The following DNAJC1 variants were observed in gnomAD, a reference collection of about 807,000 sequenced individuals.
DNAJC1 encodes the protein DnaJ heat shock protein family (Hsp40) member C1.
Under a neutral mutation model 76.6 loss-of-function variants are expected in DNAJC1, and 58 were observed. That is an observed-to-expected ratio of 0.76 (90% CI 0.61 to 0.94). The LOEUF (loss-of-function observed/expected upper bound fraction) is 0.94. DNAJC1 is among the 40% of genes least tolerant of loss of function. The pLI, the probability that DNAJC1 is intolerant of heterozygous loss-of-function variation, is 0.00. For synonymous variants in DNAJC1, 258 were observed against 267.9 expected, an observed-to-expected ratio of 0.96 and a Z score of 0.36; for missense variants, 689 against 677.3, an observed-to-expected ratio of 1.02 and a Z score of -0.19.
chr10:21,907,839 G>A (rs1836771456), intron 6 of DNAJC1, among the ~76,000 whole-genome samples: 1 of 150,220 alleles, frequency 6.7e-6, no homozygotes, highest in Non-Finnish European at 1.5e-5. Flanking sequence ...TTAGCCAGGT[G>A]TGGTGGCAGG....
chr10:21,856,273 T>C (rs1350310711), intron 8 of DNAJC1, among the ~76,000 whole-genome samples: 1 of 152,196 alleles, frequency 6.6e-6, no homozygotes, highest in African/African-American at 2.4e-5. Flanking sequence ...TATGCATCAT[T>C]AAAAATTAAA....
At chr10:21,770,248 A>G (rs1428592121) in intron 9 of DNAJC1, among the ~76,000 whole-genome samples, 1 of 152,166 alleles carries the variant, frequency 6.6e-6, no homozygotes, top group Non-Finnish European at 1.5e-5. Context: ...ATAGTTAATA[A>G]TTAATGACTG....
chr10:21,850,441 AAC>A lies in DNAJC1; in HGVS notation c.978+31839_978+31840del, dbSNP rs145242760. Among the ~76,000 whole-genome samples, 111 of 152,234 alleles carry A rather than the reference AAC, an allele frequency of 7.3e-4. 2 individuals are homozygous for A. In the East Asian group the frequency reaches 0.021, roughly 29 times the overall value. On this transcript the variant is annotated intron_variant, in intron 8 of 11. Coordinates refer to ENST00000376980, the MANE Select transcript of DNAJC1 (RefSeq NM_022365.4). ...AGGACTTGTATACAGAAAATTACAA[AAC>A]ACTGCTGAAAGAGATTAAAGGAGAC...
intron 8 of DNAJC1, among the ~76,000 whole-genome samples, chr10:21,850,740 G>T (rs773686644): frequency 6.6e-6 from 1 of 151,984 alleles, no homozygotes; most frequent in Admixed American, 6.6e-5. Flanking sequence ...AAGAACAAAG[G>T]CTGGAGAATT....
At chr10:21,862,063 C>T (rs980810967) in intron 8 of DNAJC1, among the ~76,000 whole-genome samples, 6 of 151,906 alleles carry the variant, frequency 3.9e-5, no homozygotes, top group Non-Finnish European at 8.8e-5. Flanking sequence ...GGATTACAGG[C>T]ATGCACCACC....
chr10:21,864,705 A>G (rs1327261566), intron 8 of DNAJC1, among the ~76,000 whole-genome samples: 2 of 152,134 alleles, frequency 1.3e-5, no homozygotes, highest in Non-Finnish European at 2.9e-5. Flanking sequence ...AAGATTTCCT[A>G]ATTATGACAT....
intron 1 of DNAJC1, among the ~76,000 whole-genome samples, chr10:21,932,412 A>G (rs1473792710): frequency 1.3e-5 from 2 of 152,240 alleles, no homozygotes; most frequent in Non-Finnish European, 2.9e-5. Flanking sequence ...ATGGCATGTC[A>G]GCAAAAAACA....
intron 7 of DNAJC1, among the ~76,000 whole-genome samples, chr10:21,891,341 G>C: frequency 6.6e-6 from 1 of 151,862 alleles, no homozygotes; most frequent in African/African-American, 2.4e-5. Flanking sequence ...GGAAATGTCA[G>C]AATTGATGTG....
intron 1 of DNAJC1, among the ~76,000 whole-genome samples, chr10:21,990,318 T>C (rs1330473269): frequency 6.6e-6 from 1 of 152,140 alleles, no homozygotes; most frequent in Admixed American, 6.6e-5. Flanking sequence ...AGGGTGGCCT[T>C]GGTACATATC....
At chr10:21,774,405 A>C (rs1007632945) in intron 9 of DNAJC1, among the ~76,000 whole-genome samples, 1 of 152,148 alleles carries the variant, frequency 6.6e-6, no homozygotes, top group African/African-American at 2.4e-5. Flanking sequence ...GATTCATATA[A>C]CTCTCTAACA....
intron 8 of DNAJC1, among the ~76,000 whole-genome samples, chr10:21,824,495 A>G (rs1393501616): frequency 1.3e-5 from 2 of 152,252 alleles, no homozygotes; most frequent in Admixed American, 6.5e-5. Flanking sequence ...GTAAGGCTGT[A>G]TAAGTTGAAG....
intron 9 of DNAJC1, among the ~76,000 whole-genome samples, chr10:21,791,182 T>G (rs1834681919): frequency 6.6e-6 from 1 of 152,170 alleles, no homozygotes; most frequent in South Asian, 2.1e-4. Flanking sequence ...GATGTGAATA[T>G]ATATGCACAG....
At chr10:21,963,382 G>A (rs529233177) in intron 1 of DNAJC1, among the ~76,000 whole-genome samples, 32 of 152,214 alleles carry the variant, frequency 2.1e-4, no homozygotes, top group African/African-American at 7.7e-4. Context: ...AAGGAAAATA[G>A]AATATACTTT....
chr10:21,785,371 T>C (rs1834592327), intron 9 of DNAJC1: 1 of 152,236 alleles, frequency 6.6e-6, no homozygotes, highest in Non-Finnish European at 1.5e-5. Flanking sequence ...TTGGTAGATA[T>C]CTCGTTCCTC....
chr10:21,967,471 GAACC>G (rs1337040648), intron 1 of DNAJC1, among the ~76,000 whole-genome samples: 1 of 152,018 alleles, frequency 6.6e-6, no homozygotes, highest in Non-Finnish European at 1.5e-5. Flanking sequence ...CCCAGACCTG[GAACC>G]AACCAACCAT....
chr10:21,868,438 T>C (rs963009319), intron 8 of DNAJC1, among the ~76,000 whole-genome samples: 4 of 151,870 alleles, frequency 2.6e-5, no homozygotes, highest in Admixed American at 2.0e-4. Flanking sequence ...TATTCTTAAA[T>C]AGAGAAATAA....
At chr10:21,837,139 C>T (rs1029301681) in intron 8 of DNAJC1, among the ~76,000 whole-genome samples, 1 of 152,252 alleles carries the variant, frequency 6.6e-6, no homozygotes, top group Admixed American at 6.5e-5. Flanking sequence ...TCTCCAGCTC[C>T]TAACCGCGAG....
chr10:21,792,621 T>C (rs2131635064), intron 9 of DNAJC1, among the ~76,000 whole-genome samples: 1 of 151,972 alleles, frequency 6.6e-6, no homozygotes, highest in East Asian at 2.0e-4. Flanking sequence ...TAGCCAGGCA[T>C]AGTGGCAGGC....
intron 5 of DNAJC1, 75 bp from the exon 6 acceptor site, chr10:21,918,947 T>G: frequency 1.0e-6 from 1 of 985,690 alleles, no homozygotes; most frequent in Non-Finnish European, 1.6e-6. Flanking sequence ...GCAAAATAAT[T>G]CTATAAAGAT....
Sources: allele counts gnomAD v4.1 joint callset (sites outside exome capture counted in the v4.1 genomes callset), GRCh38; gene constraint gnomAD v4.1.1; transcripts MANE v1.5; gene names NCBI Gene and HGNC (gene_info 2026-07-23, HGNC 2026-07-21).